TNR: variants seen among roughly 807,000 people sequenced by gnomAD.
The protein encoded by TNR is tenascin R.
TNR carries 45 observed loss-of-function variants against 150.4 expected under a neutral mutation model. That is an observed-to-expected ratio of 0.30 (90% CI 0.24 to 0.38). The LOEUF (loss-of-function observed/expected upper bound fraction) is 0.38. TNR is among the 10% of genes least tolerant of loss of function. TNR has a pLI of 1.00. For missense variants in TNR, 1,544 were observed against 1,759.1 expected (o/e 0.88, Z 2.19); for synonymous variants, 687 against 678.4 (o/e 1.01, Z -0.20).
intron 1 of TNR, among the ~76,000 whole-genome samples, chr1:175,655,172 T>G (rs1665135088): frequency 6.6e-6 from 1 of 152,320 alleles, no homozygotes; most frequent in South Asian, 2.1e-4. Context: ...GCTTGTTCAC[T>G]GTTACAGCCC....
chr1:175,541,356 G>T (rs1320698061), intron 1 of TNR, among the ~76,000 whole-genome samples: 1 of 152,230 alleles, frequency 6.6e-6, no homozygotes, highest in East Asian at 1.9e-4. Context: ...CTATGGCTTG[G>T]AAAACTCAAT....
chr1:175,376,860 T>TATATATA (rs1553211469), intron 9 of TNR, among the ~76,000 whole-genome samples: 3,848 of 113,546 alleles, frequency 0.034, 62 homozygotes, highest in East Asian at 0.073. Flanking sequence ...AAATGTAATA[T>TATATATA]TATATATATA....
chr1:175,469,320 A>AAG (rs888187605), intron 2 of TNR, among the ~76,000 whole-genome samples: 3 of 152,150 alleles, frequency 2.0e-5, no homozygotes, highest in Non-Finnish European at 4.4e-5. Context: ...AACACAGGCT[A>AAG]AGAGAGACCC....
chr1:175,440,212 C>T (rs924235999), intron 2 of TNR, among the ~76,000 whole-genome samples: 1 of 152,136 alleles, frequency 6.6e-6, no homozygotes, highest in Admixed American at 6.5e-5. Context: ...ATGATGAGTT[C>T]ATGTCCTTTA....
chr1:175,546,386 G>T (rs1571588022), intron 1 of TNR, among the ~76,000 whole-genome samples: 2 of 152,324 alleles, frequency 1.3e-5, no homozygotes, highest in East Asian at 3.9e-4. Flanking sequence ...GACAGAATCT[G>T]CTGGTGTAGC....
intron 1 of TNR, among the ~76,000 whole-genome samples, chr1:175,562,736 C>T (rs1415419066): frequency 1.3e-5 from 2 of 152,330 alleles, no homozygotes; most frequent in African/African-American, 2.4e-5. Context: ...GGCAGACTGT[C>T]TGACAAGGGA....
At chr1:175,684,631 C>G (rs1201867425) in intron 1 of TNR, among the ~76,000 whole-genome samples, 1 of 152,120 alleles carries the variant, frequency 6.6e-6, no homozygotes, top group African/African-American at 2.4e-5. Flanking sequence ...TGCCACAATC[C>G]AAAGAGACCC....
chr1:175,581,164 G>A (rs1320212858), intron 1 of TNR, among the ~76,000 whole-genome samples: 1 of 152,166 alleles, frequency 6.6e-6, no homozygotes, highest in Non-Finnish European at 1.5e-5. Context: ...TGCTGCTGCT[G>A]CCCACAGTGG....
chr1:175,619,684 T>C (rs578215320), intron 1 of TNR, among the ~76,000 whole-genome samples: 20 of 152,270 alleles, frequency 1.3e-4, no homozygotes, highest in Non-Finnish European at 2.6e-4. Flanking sequence ...GTTCCAGAGA[T>C]GTTGTGACAC....
intron 1 of TNR, among the ~76,000 whole-genome samples, chr1:175,661,547 C>A (rs1036807308): frequency 5.3e-5 from 8 of 152,100 alleles, no homozygotes; most frequent in African/African-American, 1.9e-4. Context: ...TCACGTTGTA[C>A]TGCTCCACCC....
chr1:175,636,222 C>A (rs1272765003), intron 1 of TNR, among the ~76,000 whole-genome samples: 1 of 152,244 alleles, frequency 6.6e-6, no homozygotes, highest in Admixed American at 6.5e-5. Context: ...ATATTAACTA[C>A]TACCTCCTCT....
chr1:175,440,173 C>T (rs186834301), intron 2 of TNR, among the ~76,000 whole-genome samples: 46 of 152,216 alleles, frequency 3.0e-4, no homozygotes, highest in Non-Finnish European at 5.1e-4. Flanking sequence ...GGCACATATA[C>T]GCCATGGAAT....
chr1:175,710,139 C>G (rs1388895086), intron 1 of TNR, among the ~76,000 whole-genome samples: 3 of 152,024 alleles, frequency 2.0e-5, no homozygotes, highest in African/African-American at 7.2e-5. Flanking sequence ...TGGAGCATGA[C>G]AAGAGGAGCC....
At chr1:175,703,820 G>A (rs991151435) in intron 1 of TNR, among the ~76,000 whole-genome samples, 6 of 152,184 alleles carry the variant, frequency 3.9e-5, no homozygotes, top group African/African-American at 1.4e-4. Context: ...AGATAAAATG[G>A]CACAGCGTAT....
chr1:175,593,150 T>C (rs1229625218), intron 1 of TNR, among the ~76,000 whole-genome samples: 1 of 152,184 alleles, frequency 6.6e-6, no homozygotes, highest in African/African-American at 2.4e-5. Context: ...GCAATCTGGT[T>C]GGGAGGCAGC....
At chr1:175,677,679 G>A (rs897029251) in intron 1 of TNR, among the ~76,000 whole-genome samples, 1 of 152,194 alleles carries the variant, frequency 6.6e-6, no homozygotes, top group African/African-American at 2.4e-5. Context: ...GCAGAGTTGT[G>A]GCAATGGCAG....
chr1:175,454,361 A>T (rs1656465667), intron 2 of TNR, among the ~76,000 whole-genome samples: 1 of 152,234 alleles, frequency 6.6e-6, no homozygotes, highest in African/African-American at 2.4e-5. Flanking sequence ...GGGTGGTAGA[A>T]CTAAGACATT....
At chr1:175,618,014 A>C (rs1663836611) in intron 1 of TNR, among the ~76,000 whole-genome samples, 2 of 152,224 alleles carry the variant, frequency 1.3e-5, no homozygotes, top group Admixed American at 1.3e-4. Context: ...CCTAGGTAGA[A>C]GTACCTACTT....
chr1:175,367,869 G>A (rs937284908), intron 9 of TNR, among the ~76,000 whole-genome samples: 7 of 152,022 alleles, frequency 4.6e-5, no homozygotes, highest in Non-Finnish European at 1.0e-4. Flanking sequence ...GTTGCTGTAG[G>A]CCCCCCGCCA....
Sources: allele counts gnomAD v4.1 joint callset (sites outside exome capture counted in the v4.1 genomes callset), GRCh38; gene constraint gnomAD v4.1.1; transcripts MANE v1.5; gene names NCBI Gene and HGNC (gene_info 2026-07-23, HGNC 2026-07-21).